The following CAPN7 variants were observed in gnomAD, a reference collection of about 807,000 sequenced individuals.
The protein encoded by CAPN7 is calpain 7, also known as calpain-7.
CAPN7 carries 72 observed loss-of-function variants against 115.2 expected under a neutral mutation model. The observed-to-expected ratio is 0.63, with a 90% CI of 0.52 to 0.76. CAPN7 has a LOEUF of 0.76. Among genes scored for constraint, CAPN7 ranks in the 30% least tolerant of loss-of-function variants. The pLI is 0.00. For missense variants in CAPN7, 905 were observed against 971.5 expected (o/e 0.93, Z 0.91); for synonymous variants, 344 against 322.3 (o/e 1.07, Z -0.72).
chr3:15,227,132 AGGGAAAGG>A (rs1459107194), intron 6 of CAPN7, among the ~76,000 whole-genome samples: 1 of 150,524 alleles, frequency 6.6e-6, no homozygotes, highest in East Asian at 1.9e-4. Context: ...AAAAAAGTTT[AGGGAAAGG>A]GGGAAAGGTA....
chr3:15,222,352 G>T (rs190852803), intron 5 of CAPN7, among the ~76,000 whole-genome samples: 135 of 152,330 alleles, frequency 8.9e-4, no homozygotes, highest in African/African-American at 2.9e-3. Flanking sequence ...GTGTAGCTAG[G>T]ATAAGTCCCT....
intron 12 of CAPN7, among the ~76,000 whole-genome samples, chr3:15,239,606 G>C (rs1695221039): frequency 6.6e-6 from 1 of 152,214 alleles, no homozygotes; most frequent in African/African-American, 2.4e-5. Context: ...ATGTAATACA[G>C]ATTGCTAGCA....
intron 9 of CAPN7, among the ~76,000 whole-genome samples, chr3:15,231,086 A>T (rs1694658254): frequency 6.6e-6 from 1 of 152,208 alleles, no homozygotes; most frequent in Non-Finnish European, 1.5e-5. Context: ...GAAGTTTGTT[A>T]GTTTTGCAGA....
intron 4 of CAPN7, among the ~76,000 whole-genome samples, chr3:15,220,199 CAAAA>C (rs1278743502): frequency 7.0e-6 from 1 of 142,774 alleles, no homozygotes; most frequent in Non-Finnish European, 1.5e-5. Context: ...AACGCCGTCT[CAAAA>C]AAAAAAATAA....
At chr3:15,248,644 G>C (rs1348035165) in intron 19 of CAPN7, among the ~76,000 whole-genome samples, 1 of 152,144 alleles carries the variant, frequency 6.6e-6, no homozygotes, top group Non-Finnish European at 1.5e-5. Flanking sequence ...TGATTAAGTT[G>C]TATATATGTT....
At chr3:15,239,994 G>T (rs145806810) in intron 12 of CAPN7, among the ~76,000 whole-genome samples, 10 of 152,334 alleles carry the variant, frequency 6.6e-5, no homozygotes, top group Middle Eastern at 3.4e-3. Flanking sequence ...CTAGATTAGA[G>T]CCAAAGGTAC....
At chr3:15,229,991 G>A (rs1694590909) in intron 8 of CAPN7, among the ~76,000 whole-genome samples, 1 of 152,082 alleles carries the variant, frequency 6.6e-6, no homozygotes, top group South Asian at 2.1e-4. Flanking sequence ...TGGTCCAAAT[G>A]TATTTTAAAA....
rs1332021308 is a variant in CAPN7 at position 15,206,470 on chromosome 3, C to T, written c.-26C>T. ...CCGTCCTGCGTCAGGGCCTCCTTCC[C>T]TGCCCCGGCGCGGGGCCACTGCGCC... On this transcript the variant is annotated 5_prime_UTR_variant, in exon 1 of 21. Transcript: ENST00000253693. The T allele has an allele frequency of 4.6e-6, 7 of 1,523,450 alleles. No individual in the cohort carries two copies. Among genetic ancestry groups the T allele is most frequent in the African/African-American group, 4.3e-5 (3 of 70,530 alleles). The allele number at this position is 1,523,450 out of a possible 1,614,324, so 94.4% of individuals were successfully genotyped here.
intron 1 of CAPN7, chr3:15,210,896 G>C: frequency 2.3e-6 from 3 of 1,280,430 alleles, no homozygotes; most frequent in Non-Finnish European, 3.1e-6. Flanking sequence ...CCCATGAAGT[G>C]TACACGCTTG....
intron 17 of CAPN7, 126 bp from the exon 18 acceptor site, chr3:15,246,606 A>T: frequency 2.9e-6 from 2 of 687,206 alleles, no homozygotes; most frequent in Non-Finnish European, 5.1e-6. Flanking sequence ...ACCTGACCTG[A>T]TACTAGGCTG....
At chr3:15,240,667 A>G (rs1695288812) in intron 13 of CAPN7, 50 bp downstream of exon 13, 11 of 1,545,458 alleles carry the variant, frequency 7.1e-6, no homozygotes, top group East Asian at 2.3e-5. Flanking sequence ...AAAAAAAAAC[A>G]TGTTTTAACA....
chr3:15,209,516 A>G (rs2044818322), intron 1 of CAPN7, among the ~76,000 whole-genome samples: 2 of 152,362 alleles, frequency 1.3e-5, no homozygotes, highest in Admixed American at 1.3e-4. Flanking sequence ...TAATCTAGCT[A>G]TTTTGAAATG....
chr3:15,214,539 A>G (rs1161594148), intron 2 of CAPN7, among the ~76,000 whole-genome samples: 2 of 152,056 alleles, frequency 1.3e-5, no homozygotes, highest in African/African-American at 4.8e-5. Flanking sequence ...CCTAGGCAAC[A>G]TAGACTTCAC....
chr3:15,206,340 A>G lies in CAPN7; in HGVS notation c.-156A>G. On this transcript the variant is annotated 5_prime_UTR_variant, in exon 1 of 21. Transcript: ENST00000253693. Reference sequence around the variant, plus strand: ...GCTTCGCGGTGGACCCCAGCCCGGCAACGGGAAGGCGAGCTCTCCTCCACC... The same window carrying G: ...GCTTCGCGGTGGACCCCAGCCCGGCGACGGGAAGGCGAGCTCTCCTCCACC... 1 of 565,980 alleles carries G rather than the reference A, an allele frequency of 1.8e-6. No homozygotes were observed. The highest frequency in any genetic ancestry group is 3.1e-6 in the Non-Finnish European group (1 of 326,372). 35.1% of individuals were successfully genotyped at this position (565,980 alleles called of 1,614,324 possible). A position where few individuals can be genotyped will look rare whatever the true frequency, so the allele number is the denominator to read the frequency against.
intron 3 of CAPN7, among the ~76,000 whole-genome samples, chr3:15,218,093 C>T (rs1008364999): frequency 1.3e-5 from 2 of 152,152 alleles, no homozygotes; most frequent in Non-Finnish European, 2.9e-5. Flanking sequence ...AGACTGGTAT[C>T]CCCATGTCTT....
At chr3:15,219,665 G>A (rs1255727231) in intron 4 of CAPN7, among the ~76,000 whole-genome samples, 1 of 152,132 alleles carries the variant, frequency 6.6e-6, no homozygotes, top group Non-Finnish European at 1.5e-5. Flanking sequence ...CATTCTCTAG[G>A]AAAATGTACA....
chr3:15,218,589 T>C, intron 4 of CAPN7, 49 bp downstream of exon 4: 1 of 1,255,492 alleles, frequency 8.0e-7, no homozygotes, highest in Non-Finnish European at 1.2e-6. Flanking sequence ...CTTAGTGTTA[T>C]TTAAACAAAT....
chr3:15,233,179 T>G (rs1199164529), intron 10 of CAPN7, among the ~76,000 whole-genome samples: 1 of 152,188 alleles, frequency 6.6e-6, no homozygotes, highest in Non-Finnish European at 1.5e-5. Context: ...TCTTCATGTA[T>G]CCATAATATA....
At chr3:15,247,722 GCTT>G (rs2125014034) in intron 19 of CAPN7, among the ~76,000 whole-genome samples, 1 of 152,192 alleles carries the variant, frequency 6.6e-6, no homozygotes, top group East Asian at 1.9e-4. Context: ...AAACAATACA[GCTT>G]CTAGATGATA....
Sources: gnomAD v4.1 joint callset for allele counts (sites outside exome capture counted in the v4.1 genomes callset) on GRCh38, gnomAD v4.1.1 for gene constraint, MANE v1.5 for transcripts, NCBI Gene and HGNC (gene_info 2026-07-23, HGNC 2026-07-21) for gene names.